FRMD6: variants seen among roughly 807,000 people sequenced by gnomAD.
FRMD6 encodes the protein FERM domain containing 6.
Under a neutral mutation model 73.2 loss-of-function variants are expected in FRMD6, and 37 were observed. That is an observed-to-expected ratio of 0.51 (90% CI 0.39 to 0.66). The LOEUF (loss-of-function observed/expected upper bound fraction) is 0.66. Among genes scored for constraint, FRMD6 ranks in the 30% least tolerant of loss-of-function variants. The pLI, the probability that FRMD6 is intolerant of heterozygous loss-of-function variation, is 0.00. For synonymous variants in FRMD6, 273 were observed against 282.2 expected, an observed-to-expected ratio of 0.97 and a Z score of 0.33; for missense variants, 714 against 780.5, an observed-to-expected ratio of 0.91 and a Z score of 1.02.
chr14:51,475,135 A>G, the FRMD6 span, among the ~76,000 whole-genome samples: 3 of 152,322 alleles, frequency 2.0e-5, no homozygotes, highest in Non-Finnish European at 4.4e-5. Flanking sequence ...ATGGTGTCAG[A>G]ATACACAAAT....
intron 1 of FRMD6, among the ~76,000 whole-genome samples, chr14:51,543,293 A>G (rs1442530853): frequency 6.6e-6 from 1 of 151,972 alleles, no homozygotes; most frequent in Non-Finnish European, 1.5e-5. Flanking sequence ...AATTATGCCC[A>G]TTCATTTACC....
chr14:51,521,935 G>T (rs11845122), intron 1 of FRMD6, among the ~76,000 whole-genome samples: 7,817 of 152,098 alleles, frequency 0.051, 436 homozygotes, highest in African/African-American at 0.14. Context: ...CTGGTTTCAG[G>T]CTACATATTT....
At chr14:51,456,886 C>T in the FRMD6 span, among the ~76,000 whole-genome samples, 7 of 152,088 alleles carry the variant, frequency 4.6e-5, no homozygotes, top group Non-Finnish European at 8.8e-5. Context: ...GTAAAATAAG[C>T]TAGGCATCAA....
intron 2 of FRMD6, among the ~76,000 whole-genome samples, chr14:51,695,960 A>G (rs933055702): frequency 1.3e-5 from 2 of 152,178 alleles, no homozygotes; most frequent in Non-Finnish European, 2.9e-5. Flanking sequence ...ATATTAAGAT[A>G]TGATAAAGTC....
At chr14:51,638,333 C>T (rs964028362) in intron 2 of FRMD6, among the ~76,000 whole-genome samples, 2 of 152,032 alleles carry the variant, frequency 1.3e-5, no homozygotes, top group Non-Finnish European at 2.9e-5. Context: ...TGAGTGAGAG[C>T]GGATAGCATA....
At chr14:51,467,571 C>A in the FRMD6 span, among the ~76,000 whole-genome samples, 1 of 151,510 alleles carries the variant, frequency 6.6e-6, no homozygotes, top group African/African-American at 2.4e-5. Context: ...ACCTCCCGGA[C>A]GGGGCGGCTG....
chr14:51,419,576 G>A, the FRMD6 span, among the ~76,000 whole-genome samples: 2 of 152,182 alleles, frequency 1.3e-5, no homozygotes, highest in South Asian at 4.1e-4. Context: ...AACCAAATGA[G>A]GGAGGCAGGT....
the FRMD6 span, among the ~76,000 whole-genome samples, chr14:51,482,361 G>T: frequency 6.6e-6 from 1 of 152,216 alleles, no homozygotes; most frequent in East Asian, 1.9e-4. Flanking sequence ...TTTGGCTGAA[G>T]GCCACACACA....
rs540328863 is a variant in FRMD6 at position 51,626,841 on chromosome 14, T to G, written c.-147+56431T>G. On this transcript the variant is annotated intron_variant, in intron 2 of 14. Coordinates refer to the FRMD6 transcript ENST00000356218. ...CTTCAGAGTCATTGTGAAGATTAAA[T>G]AAGGTGTCTGGAACATCACAAGTAC... Among the ~76,000 whole-genome samples, 3 of 152,314 alleles carry G rather than the reference T, an allele frequency of 2.0e-5. No homozygotes were observed. The South Asian group carries it at 6.2e-4, about 32-fold the overall frequency.
chr14:51,432,779 G>A, the FRMD6 span, among the ~76,000 whole-genome samples: 187 of 152,298 alleles, frequency 1.2e-3, no homozygotes, highest in Middle Eastern at 3.4e-3. Flanking sequence ...TCTGCCCTGG[G>A]TGCTGGGTGT....
chr14:51,484,391 A>G (rs894064984), upstream of FRMD6, among the ~76,000 whole-genome samples: 7 of 152,120 alleles, frequency 4.6e-5, no homozygotes, highest in African/African-American at 1.7e-4. Flanking sequence ...GACTACCACC[A>G]CCAGAATAGC....
chr14:51,456,928 T>C, the FRMD6 span, among the ~76,000 whole-genome samples: 2 of 152,114 alleles, frequency 1.3e-5, no homozygotes, highest in Admixed American at 6.5e-5. Context: ...CAGTGATATA[T>C]GGAATCTAAA....
chr14:51,453,066 C>T, the FRMD6 span, among the ~76,000 whole-genome samples: 1 of 151,794 alleles, frequency 6.6e-6, no homozygotes, highest in Non-Finnish European at 1.5e-5. Context: ...AAAGCAAGAA[C>T]CTGATGACCA....
chr14:51,511,365 A>C (rs977489330), intron 1 of FRMD6, among the ~76,000 whole-genome samples: 1 of 152,272 alleles, frequency 6.6e-6, no homozygotes, highest in Admixed American at 6.5e-5. Context: ...TAATATGAAT[A>C]ACAGCTTTGA....
chr14:51,660,353 G>A (rs1893132326), intron 1 of FRMD6, among the ~76,000 whole-genome samples: 1 of 152,108 alleles, frequency 6.6e-6, no homozygotes, highest in African/African-American at 2.4e-5. Context: ...CACATAGGAT[G>A]TTCCCAGCCT....
intron 1 of FRMD6, among the ~76,000 whole-genome samples, chr14:51,495,394 A>C (rs1409765547): frequency 6.6e-6 from 1 of 152,194 alleles, no homozygotes; most frequent in Non-Finnish European, 1.5e-5. Context: ...GGTCTATCTT[A>C]GGAGGACACA....
intron 2 of FRMD6, among the ~76,000 whole-genome samples, chr14:51,583,431 C>T (rs969188749): frequency 2.6e-5 from 4 of 152,144 alleles, no homozygotes; most frequent in Non-Finnish European, 2.9e-5. Flanking sequence ...TCTACATGCA[C>T]GAAACAATTT....
intron 2 of FRMD6, among the ~76,000 whole-genome samples, chr14:51,597,422 G>A (rs1036132999): frequency 1.3e-5 from 2 of 152,236 alleles, no homozygotes; most frequent in African/African-American, 4.8e-5. Context: ...GGACAATGCA[G>A]AGTTTAGGGG....
intron 1 of FRMD6, among the ~76,000 whole-genome samples, chr14:51,497,551 A>G (rs10150152): frequency 0.49 from 74,288 of 152,018 alleles, 18,792 homozygotes; most frequent in East Asian, 0.65. Context: ...AGTCATATAT[A>G]TGTTTTTTTG....
Sources: gnomAD v4.1 joint callset for allele counts (sites outside exome capture counted in the v4.1 genomes callset) on GRCh38, gnomAD v4.1.1 for gene constraint, MANE v1.5 for transcripts, NCBI Gene and HGNC (gene_info 2026-07-23, HGNC 2026-07-21) for gene names.